The following GUCY1A2 variants were observed in gnomAD, a reference collection of about 807,000 sequenced individuals.
GUCY1A2 encodes guanylate cyclase 1 soluble subunit alpha 2.
Under a neutral mutation model 63.5 loss-of-function variants are expected in GUCY1A2, and 27 were observed. The ratio of observed to expected loss-of-function variants is 0.43; its 90% CI spans 0.31 to 0.59. The LOEUF (loss-of-function observed/expected upper bound fraction) is 0.59. Ranked by LOEUF, GUCY1A2 falls within the 20% of genes least tolerant of loss-of-function variation. The pLI is 0.11. For missense variants in GUCY1A2, 768 were observed against 913.3 expected (o/e 0.84, Z 2.05); for synonymous variants, 364 against 343.5 (o/e 1.06, Z -0.66).
intron 4 of GUCY1A2, chr11:106,827,035 G>A (rs1331033493): frequency 1.2e-5 from 19 of 1,588,348 alleles, no homozygotes; most frequent in Admixed American, 3.3e-5. Context: ...TGTAACTGAC[G>A]TATGGTCTCT....
chr11:106,708,438 G>A, intron 7 of GUCY1A2, 74 bp downstream of exon 7: 2 of 1,169,112 alleles, frequency 1.7e-6, no homozygotes, highest in Non-Finnish European at 2.5e-6. Flanking sequence ...AAAAAGAACA[G>A]GGACTCACAG....
intron 6 of GUCY1A2, among the ~76,000 whole-genome samples, chr11:106,767,902 A>C (rs752976392): frequency 4.1e-5 from 5 of 120,740 alleles, no homozygotes; most frequent in Non-Finnish European, 9.7e-5. Context: ...AAAAATAATT[A>C]AATAGAATAT....
chr11:106,695,772 C>G (rs1265286019), intron 7 of GUCY1A2, among the ~76,000 whole-genome samples: 1 of 152,046 alleles, frequency 6.6e-6, no homozygotes, highest in Non-Finnish European at 1.5e-5. Flanking sequence ...GAATCTAGCT[C>G]ATGATGAAAT....
rs144323686 is a variant in GUCY1A2 at position 106,757,571 on chromosome 11, T to G, written c.1836+18868A>C. ...GTTTTGTTGATGTTGATGCTATTCC[T>G]CTCTGTTTCTTAGTTTTCCTTCTAA... On this transcript the variant is annotated intron_variant, in intron 6 of 7. Coordinates refer to ENST00000526355, the MANE Select transcript of GUCY1A2 (RefSeq NM_000855.3). Among the ~76,000 whole-genome samples the G allele has an allele frequency of 5.6e-3, 857 of 152,334 alleles. 7 individuals are homozygous for G. The highest frequency in any genetic ancestry group is 0.01 in the Non-Finnish European group (690 of 68,032).
At chr11:106,814,399 T>C (rs1858803990) in intron 4 of GUCY1A2, among the ~76,000 whole-genome samples, 1 of 152,078 alleles carries the variant, frequency 6.6e-6, no homozygotes. Flanking sequence ...AAGAACTAGC[T>C]CTAGCTAAAA....
chr11:106,836,002 T>C (rs905966764), intron 4 of GUCY1A2, among the ~76,000 whole-genome samples: 2 of 152,046 alleles, frequency 1.3e-5, no homozygotes, highest in Non-Finnish European at 2.9e-5. Flanking sequence ...AACTGTAGTA[T>C]GCTATCTTTT....
At chr11:106,733,981 G>T (rs1274533300) in intron 6 of GUCY1A2, among the ~76,000 whole-genome samples, 1 of 152,074 alleles carries the variant, frequency 6.6e-6, no homozygotes, top group Non-Finnish European at 1.5e-5. Flanking sequence ...GCTATAACTG[G>T]TTAGTCACAG....
intron 4 of GUCY1A2, among the ~76,000 whole-genome samples, chr11:106,842,862 T>G (rs575248800): frequency 6.6e-6 from 1 of 151,904 alleles, no homozygotes; most frequent in Non-Finnish European, 1.5e-5. Flanking sequence ...TGCAGCTGAT[T>G]CCTGGACCAC....
intron 4 of GUCY1A2, among the ~76,000 whole-genome samples, chr11:106,875,529 C>T (rs1859737430): frequency 6.6e-6 from 1 of 152,066 alleles, no homozygotes; most frequent in African/African-American, 2.4e-5. Flanking sequence ...ATGGGCTTTG[C>T]TTTCCTCTGC....
At position 106,685,541 on chromosome 11, in the gene GUCY1A2, A is replaced by G. The variant is rs1272368770; in HGVS notation, c.*2008T>C. The G allele has an allele frequency of 5.3e-5, 12 of 227,040 alleles. No individual in the cohort carries two copies. The highest frequency in any genetic ancestry group is 2.6e-3 in the Middle Eastern group (2 of 762). 14.1% of individuals were successfully genotyped at this position (227,040 alleles called of 1,614,324 possible). A position where few individuals can be genotyped will look rare whatever the true frequency, so the allele number is the denominator to read the frequency against. Reference sequence around the variant, plus strand: ...ACATTTTATTGATTTAATATACCATAATAAGTTCTAAGTTACTGAAGACAA... The same window carrying G: ...ACATTTTATTGATTTAATATACCATGATAAGTTCTAAGTTACTGAAGACAA... On this transcript the variant is annotated 3_prime_UTR_variant, in exon 8 of 8. Transcript: ENST00000526355.
At chr11:106,995,050 G>A (rs993196173) in intron 1 of GUCY1A2, among the ~76,000 whole-genome samples, 3 of 152,154 alleles carry the variant, frequency 2.0e-5, no homozygotes, top group African/African-American at 7.2e-5. Context: ...ATTTTCTCAG[G>A]AAAATGGATC....
chr11:106,680,753 T>G lies in GUCY1A2; in HGVS notation c.*6796A>C. 1 of 206,728 alleles carries G rather than the reference T, an allele frequency of 4.8e-6. No individual in the cohort carries two copies. Among genetic ancestry groups the G allele is most frequent in the Non-Finnish European group, 9.9e-6 (1 of 101,220 alleles). 12.8% of individuals were successfully genotyped at this position (206,728 alleles called of 1,614,324 possible). ...GGCAGGAGAATGCTAAAATTAAGTT[T>G]TGCTATGAGTAATAGAAAGGTAAAG... On this transcript the variant is annotated 3_prime_UTR_variant, in exon 8 of 8. Transcript: ENST00000526355.
At chr11:106,698,702 T>G (rs1189864154) in intron 7 of GUCY1A2, among the ~76,000 whole-genome samples, 1 of 152,180 alleles carries the variant, frequency 6.6e-6, no homozygotes, top group African/African-American at 2.4e-5. Context: ...AATGCTACTT[T>G]TTCTGTTCCA....
chr11:106,935,623 T>G (rs1328848631), intron 4 of GUCY1A2, among the ~76,000 whole-genome samples: 3 of 152,100 alleles, frequency 2.0e-5, no homozygotes, highest in African/African-American at 7.2e-5. Context: ...GTGGATCACC[T>G]GAGGTCAGGA....
intron 3 of GUCY1A2, among the ~76,000 whole-genome samples, chr11:106,974,396 C>T (rs913875062): frequency 2.0e-5 from 3 of 151,970 alleles, no homozygotes; most frequent in Admixed American, 2.0e-4. Context: ...TAGTCTTAAC[C>T]TAACCTTAAG....
chr11:106,827,907 T>G, intron 4 of GUCY1A2: 2 of 1,454,920 alleles, frequency 1.4e-6, no homozygotes, highest in Non-Finnish European at 1.9e-6. Flanking sequence ...GGACTCCCAG[T>G]GGTTTACTGA....
At chr11:106,999,890 G>C (rs960935120) in intron 1 of GUCY1A2, among the ~76,000 whole-genome samples, 6 of 152,202 alleles carry the variant, frequency 3.9e-5, no homozygotes, top group Non-Finnish European at 5.9e-5. Flanking sequence ...AAGAAAGCTA[G>C]ATTGATGGTA....
chr11:106,830,430 G>A (rs1238148701), intron 4 of GUCY1A2, among the ~76,000 whole-genome samples: 1 of 152,062 alleles, frequency 6.6e-6, no homozygotes, highest in East Asian at 1.9e-4. Flanking sequence ...GTGTCTGTGA[G>A]GGTGTTGCCA....
intron 5 of GUCY1A2, among the ~76,000 whole-genome samples, chr11:106,787,600 A>AGGGTGAGGGAGGGGGG (rs1565289921): frequency 6.8e-5 from 1 of 14,750 alleles, no homozygotes; most frequent in African/African-American, 2.5e-4. Flanking sequence ...AAGGGAAGGG[A>AGGGTGAGGGAGGGGGG]AAAAGAGAAA....
Sources: allele counts gnomAD v4.1 joint callset (sites outside exome capture counted in the v4.1 genomes callset), GRCh38; gene constraint gnomAD v4.1.1; transcripts MANE v1.5; gene names NCBI Gene and HGNC (gene_info 2026-07-23, HGNC 2026-07-21).